Variants in BNC2 observed in about 807,000 individuals in gnomAD.
BNC2 encodes the protein zinc finger protein basonuclin-2.
BNC2 carries 20 observed loss-of-function variants against 76.3 expected under a neutral mutation model. The ratio of observed to expected loss-of-function variants is 0.26; its 90% CI spans 0.18 to 0.38. BNC2 has a LOEUF of 0.38. Among genes scored for constraint, BNC2 ranks in the 10% least tolerant of loss-of-function variants. The probability of loss-of-function intolerance (pLI) is 1.00; values close to 1 mark genes in which losing one functional copy is unlikely to be tolerated. For missense variants in BNC2, 1,382 were observed against 1,399.8 expected, an observed-to-expected ratio of 0.99 and a Z score of 0.20; for synonymous variants, 582 against 514.8, an observed-to-expected ratio of 1.13 and a Z score of -1.77.
intron 1 of BNC2, among the ~76,000 whole-genome samples, chr9:16,830,230 A>G (rs1213978136): frequency 6.6e-6 from 1 of 152,248 alleles, no homozygotes; most frequent in Non-Finnish European, 1.5e-5. Flanking sequence ...AATTATCTCT[A>G]TAACATACAC....
rs1212216954 is a variant in BNC2 at position 16,416,576 on chromosome 9, T to C, written c.*2413A>G. The C allele has an allele frequency of 2.0e-5, 3 of 152,736 alleles. No homozygotes were observed. The highest frequency in any genetic ancestry group is 4.8e-5 in the African/African-American group (2 of 41,586). 9.5% of individuals were successfully genotyped at this position (152,736 alleles called of 1,614,324 possible). ...AAGTACAAGAAAACAAAAACGATTA[T>C]TACTAATTCCTCAGCTTTTTACCAT... On this transcript the variant is annotated 3_prime_UTR_variant, in exon 7 of 7. Transcript: ENST00000380672.
chr9:16,527,289 T>C (rs1817834588), intron 5 of BNC2, among the ~76,000 whole-genome samples: 1 of 152,214 alleles, frequency 6.6e-6, no homozygotes, highest in African/African-American at 2.4e-5. Context: ...GATGATGCCA[T>C]GATAATTAGG....
At chr9:16,481,715 A>T (rs1822061247) in intron 5 of BNC2, among the ~76,000 whole-genome samples, 1 of 152,280 alleles carries the variant, frequency 6.6e-6, no homozygotes, top group Non-Finnish European at 1.5e-5. Context: ...AAAGCCAACA[A>T]GTTGTTAGTT....
intron 3 of BNC2, among the ~76,000 whole-genome samples, chr9:16,665,385 AAAGAG>A (rs1822243346): frequency 2.4e-5 from 1 of 41,708 alleles, no homozygotes; most frequent in Non-Finnish European, 6.1e-5. Context: ...AAAAAAAAAA[AAAGAG>A]AGAGAGAGAG....
At chr9:16,578,912 G>C (rs999214101) in intron 4 of BNC2, among the ~76,000 whole-genome samples, 5 of 152,210 alleles carry the variant, frequency 3.3e-5, no homozygotes, top group Non-Finnish European at 5.9e-5. Flanking sequence ...ACAGAGACTT[G>C]ACAGAATTAG....
At chr9:16,423,616 A>C (rs1159071875) in intron 6 of BNC2, among the ~76,000 whole-genome samples, 1 of 152,232 alleles carries the variant, frequency 6.6e-6, no homozygotes, top group Admixed American at 6.5e-5. Flanking sequence ...ATGAGTCTTC[A>C]AAAAGTATTT....
chr9:16,828,852 G>C (rs1425579102), intron 1 of BNC2, among the ~76,000 whole-genome samples: 2 of 152,176 alleles, frequency 1.3e-5, no homozygotes, highest in African/African-American at 2.4e-5. Context: ...AGTGGCACTG[G>C]AATAACCTGA....
At chr9:16,572,277 T>A (rs937710381) in intron 4 of BNC2, among the ~76,000 whole-genome samples, 1 of 152,192 alleles carries the variant, frequency 6.6e-6, no homozygotes, top group African/African-American at 2.4e-5. Context: ...TACCTTTCAC[T>A]TATTTTGTTG....
chr9:16,808,471 T>C (rs1419067169), intron 1 of BNC2, among the ~76,000 whole-genome samples: 1 of 137,566 alleles, frequency 7.3e-6, no homozygotes, highest in African/African-American at 2.5e-5. Context: ...TTGTGTGATC[T>C]TGGGCAACTT....
At chr9:16,870,297 C>T (rs1433708843) in intron 1 of BNC2, among the ~76,000 whole-genome samples, 1 of 152,156 alleles carries the variant, frequency 6.6e-6, no homozygotes, top group Non-Finnish European at 1.5e-5. Context: ...ACCTCGTCCC[C>T]CCAGCCCGTC....
intron 5 of BNC2, among the ~76,000 whole-genome samples, chr9:16,498,439 A>T (rs7035227): frequency 0.11 from 16,866 of 150,844 alleles, 2,818 homozygotes; most frequent in African/African-American, 0.37. Context: ...CACCGTATGT[A>T]CTCACTGATA....
chr9:16,849,357 T>TGA (rs1819069940), intron 1 of BNC2, among the ~76,000 whole-genome samples: 1 of 138,342 alleles, frequency 7.2e-6, no homozygotes, highest in East Asian at 2.0e-4. Flanking sequence ...AAAAGATTTT[T>TGA]TTTTTTTTTT....
In BNC2 at chr9:16,419,513, G is replaced by T. The variant is rs1446177709; in HGVS notation, c.2776C>A (p.Pro926Thr). 1.2e-6 allele frequency: 2 copies of T among 1,614,100 alleles called. No individual in the cohort carries two copies. The highest frequency in any genetic ancestry group is 1.7e-6 in the Non-Finnish European group (2 of 1,180,026). The change falls in exon 7 of 7, where the codon CCC becomes ACC. Residue 926 changes from proline (P) to threonine (T), a missense_variant. Transcript: ENST00000380672. Reference protein sequence around the residue: ...FLVKIYGAQHPMGLDVREDAS... With the variant: ...FLVKIYGAQHTMGLDVREDAS... ...TCTTCCCTGACATCGAGCCCCATGG[G>T]GTGCTGGGCACCATATATCTTCACC...
chr9:16,757,580 C>A lies in BNC2; in HGVS notation c.4-19095G>T, dbSNP rs141505419. Among the ~76,000 whole-genome samples, 4 of 152,288 alleles carry A rather than the reference C, an allele frequency of 2.6e-5. No individual in the cohort carries two copies. The East Asian group carries it at 7.7e-4, about 29-fold the overall frequency. ...TACATTCCTACATTTCCTTAAGCCC[C>A]TTTCTCAAAACTCCATTGTTAACAA... On this transcript the variant is annotated intron_variant, in intron 1 of 6. Coordinates refer to ENST00000380672, the MANE Select transcript of BNC2 (RefSeq NM_017637.6).
At chr9:16,443,667 A>G (rs1821174747) in intron 5 of BNC2, among the ~76,000 whole-genome samples, 1 of 152,202 alleles carries the variant, frequency 6.6e-6, no homozygotes, top group African/African-American at 2.4e-5. Flanking sequence ...CTGCACAATA[A>G]AAAGAACTAA....
chr9:16,575,412 G>A (rs947406756), intron 4 of BNC2: 1 of 985,132 alleles, frequency 1.0e-6, no homozygotes, highest in African/African-American at 1.7e-5. Context: ...AACATAGCTA[G>A]GAAAAAAAGA....
intron 4 of BNC2, among the ~76,000 whole-genome samples, chr9:16,553,131 G>A (rs766838661): frequency 2.6e-5 from 4 of 152,106 alleles, no homozygotes; most frequent in Non-Finnish European, 5.9e-5. Flanking sequence ...TGACGATGGT[G>A]TCCCCTACCC....
At chr9:16,829,662 A>C (rs1233095578) in intron 1 of BNC2, among the ~76,000 whole-genome samples, 1 of 152,228 alleles carries the variant, frequency 6.6e-6, no homozygotes, top group African/African-American at 2.4e-5. Context: ...ACAAAACGGC[A>C]ATTCTACAAA....
chr9:16,598,112 C>T (rs552894394), intron 3 of BNC2, among the ~76,000 whole-genome samples: 4 of 152,112 alleles, frequency 2.6e-5, no homozygotes, highest in Non-Finnish European at 4.4e-5. Context: ...ATTCACATCA[C>T]GTGCTAGACA....
Sources: gnomAD v4.1 joint callset for allele counts (sites outside exome capture counted in the v4.1 genomes callset) on GRCh38, gnomAD v4.1.1 for gene constraint, MANE v1.5 for transcripts, NCBI Gene and HGNC (gene_info 2026-07-23, HGNC 2026-07-21) for gene names.